Variants in MTMR2 observed in about 807,000 individuals in gnomAD.
MTMR2 encodes the protein myotubularin related protein 2, also known as phosphatidylinositol-3,5-bisphosphate 3-phosphatase MTMR2.
In MTMR2, 55 loss-of-function variants were observed where a neutral mutation model predicts 86.9. The observed-to-expected ratio is 0.63, with a 90% CI of 0.51 to 0.79. The LOEUF (loss-of-function observed/expected upper bound fraction) is 0.79, where lower values mean the gene tolerates loss of function less well. Ranked by LOEUF, MTMR2 falls within the 30% of genes least tolerant of loss-of-function variation. MTMR2 has a pLI of 0.00. For missense variants in MTMR2, 659 were observed against 772.3 expected, an observed-to-expected ratio of 0.85 and a Z score of 1.74; for synonymous variants, 241 against 266.8, an observed-to-expected ratio of 0.90 and a Z score of 0.94.
intron 1 of MTMR2, among the ~76,000 whole-genome samples, chr11:95,906,966 A>G (rs552103235): frequency 1.2e-4 from 18 of 152,282 alleles, no homozygotes; most frequent in Admixed American, 1.1e-3. Context: ...GGAACTAGGG[A>G]ACCAAGAGCA....
intron 11 of MTMR2, among the ~76,000 whole-genome samples, chr11:95,842,826 ACACT>A (rs1401409396): frequency 6.6e-6 from 1 of 152,234 alleles, no homozygotes; most frequent in Non-Finnish European, 1.5e-5. Context: ...ACCCTACCAG[ACACT>A]CACAGTTAAA....
rs2135401679 is a variant in MTMR2, at chr11:95,836,182, T to C, written c.1736A>G (p.Tyr579Cys). The C allele has an allele frequency of 6.2e-7, 1 of 1,612,812 alleles. No homozygotes were observed. Among genetic ancestry groups the C allele is most frequent in the South Asian group, 1.1e-5 (1 of 91,050 alleles). The change falls in exon 14 of 15, where the codon TAT becomes TGT. Residue 579 changes from tyrosine (Y) to cysteine (C), a missense_variant. This residue lies in a region of MTMR2 where 193 missense variants were observed against 191.6 expected (regional missense o/e 1.01). Transcript: ENST00000346299. ...CATCCGTGGATTCCACCTTATGTAATATCCCACCCAGAGCTCTAGGTGGCG... is the reference window on the plus strand; with the variant it reads ...CATCCGTGGATTCCACCTTATGTAACATCCCACCCAGAGCTCTAGGTGGCG... The part of the protein sequence containing the change: ...SMRHLELWVG[Y>C]YIRWNPRMKP...
At chr11:95,861,408 A>ATTATTATTG (rs1864417194) in intron 5 of MTMR2, among the ~76,000 whole-genome samples, 1 of 144,964 alleles carries the variant, frequency 6.9e-6, no homozygotes, top group African/African-American at 2.5e-5. Flanking sequence ...GATGGTTATT[A>ATTATTATTG]TTATTATTAT....
intron 1 of MTMR2, among the ~76,000 whole-genome samples, chr11:95,917,994 A>G (rs775315605): frequency 2.0e-5 from 3 of 152,222 alleles, no homozygotes; most frequent in Non-Finnish European, 2.9e-5. Context: ...GTTTTATGTT[A>G]CTCAAAGAAA....
At chr11:95,846,979 A>G (rs1161914853) in intron 10 of MTMR2, among the ~76,000 whole-genome samples, 3 of 152,186 alleles carry the variant, frequency 2.0e-5, no homozygotes, top group Non-Finnish European at 4.4e-5. Flanking sequence ...TCTTAACGTG[A>G]AAGACTGCAT....
intron 1 of MTMR2, among the ~76,000 whole-genome samples, chr11:95,917,750 A>G (rs1006070434): frequency 1.3e-5 from 2 of 152,214 alleles, no homozygotes; most frequent in African/African-American, 4.8e-5. Flanking sequence ...GAAGTGGGTC[A>G]TCATAAAGTT....
chr11:95,909,518 C>G (rs1215680078), intron 1 of MTMR2, among the ~76,000 whole-genome samples: 1 of 152,146 alleles, frequency 6.6e-6, no homozygotes, highest in Non-Finnish European at 1.5e-5. Flanking sequence ...TTCCACACCT[C>G]AAAACACCAA....
chr11:95,870,731 C>T (rs1262200), intron 2 of MTMR2, among the ~76,000 whole-genome samples: 113 of 129,926 alleles, frequency 8.7e-4, no homozygotes, highest in African/African-American at 2.5e-3. Flanking sequence ...TTCTTTTTTT[C>T]TTTTTCTTTT....
chr11:95,882,478 G>A (rs1865362741), intron 2 of MTMR2: 1 of 150,342 alleles, frequency 6.7e-6, no homozygotes, highest in Non-Finnish European at 1.5e-5. Context: ...CCAGCCTAGG[G>A]GATAGAGCGA....
intron 1 of MTMR2, among the ~76,000 whole-genome samples, chr11:95,889,646 G>A (rs898019957): frequency 1.3e-5 from 2 of 152,056 alleles, no homozygotes; most frequent in Admixed American, 6.5e-5. Flanking sequence ...ATGGGCTACC[G>A]TGCTCAAGCC....
At chr11:95,857,523 C>T (rs1196054028) in intron 7 of MTMR2, 29 bp downstream of exon 7, 1 of 1,509,742 alleles carries the variant, frequency 6.6e-7, no homozygotes, top group Non-Finnish European at 9.2e-7. Context: ...ATACAAAATA[C>T]TAAAATTGAA....
intron 1 of MTMR2, among the ~76,000 whole-genome samples, chr11:95,901,973 T>C (rs889989766): frequency 5.3e-5 from 8 of 152,166 alleles, no homozygotes; most frequent in Non-Finnish European, 7.4e-5. Context: ...AATCCCCCAC[T>C]TAGAATTCAG....
intron 2 of MTMR2, among the ~76,000 whole-genome samples, chr11:95,872,760 T>C (rs1864940466): frequency 6.6e-6 from 1 of 152,196 alleles, no homozygotes; most frequent in African/African-American, 2.4e-5. Flanking sequence ...TTGTCATAGA[T>C]AGCTCTTATT....
At chr11:95,919,675 CAA>C (rs1230529264) in intron 1 of MTMR2, among the ~76,000 whole-genome samples, 2 of 152,110 alleles carry the variant, frequency 1.3e-5, no homozygotes, top group African/African-American at 4.8e-5. Context: ...AAAATCAGCT[CAA>C]GATGTCCAGT....
intron 1 of MTMR2, among the ~76,000 whole-genome samples, chr11:95,909,766 A>T (rs1444415595): frequency 2.0e-5 from 3 of 152,110 alleles, no homozygotes; most frequent in South Asian, 2.1e-4. Flanking sequence ...TGCAATAAGG[A>T]TCAAAATATT....
intron 2 of MTMR2, among the ~76,000 whole-genome samples, chr11:95,881,747 C>G (rs565383878): frequency 2.0e-5 from 3 of 152,216 alleles, no homozygotes; most frequent in African/African-American, 7.2e-5. Context: ...TCAGATTTCC[C>G]ATACAGACAA....
intron 9 of MTMR2, among the ~76,000 whole-genome samples, chr11:95,848,129 A>G (rs112249652): frequency 6.6e-6 from 1 of 152,182 alleles, no homozygotes; most frequent in Non-Finnish European, 1.5e-5. Context: ...TATGGCCATT[A>G]TTAAAATTAA....
chr11:95,905,770 A>T (rs963133904), intron 1 of MTMR2, among the ~76,000 whole-genome samples: 1 of 152,186 alleles, frequency 6.6e-6, no homozygotes, highest in Non-Finnish European at 1.5e-5. Flanking sequence ...TTTACAACAT[A>T]TCCACTATAT....
chr11:95,836,118 A>G, intron 14 of MTMR2, 30 bp downstream of exon 14: 1 of 1,599,456 alleles, frequency 6.3e-7, no homozygotes, highest in Non-Finnish European at 8.6e-7. Context: ...CATGAATGAA[A>G]ACTCCCATTG....
Sources: gnomAD v4.1 joint callset for allele counts (sites outside exome capture counted in the v4.1 genomes callset) on GRCh38, gnomAD v4.1.1 for gene constraint, gnomAD v4.1.1 regional missense constraint, MANE v1.5 for transcripts, NCBI Gene and HGNC (gene_info 2026-07-23, HGNC 2026-07-21) for gene names.